SIPA1: variants seen among roughly 807,000 people sequenced by gnomAD.
The protein encoded by SIPA1 is signal-induced proliferation-associated 1, also known as signal-induced proliferation-associated protein 1.
A neutral mutation model predicts 88.1 loss-of-function variants in SIPA1; 51 were observed. The ratio of observed to expected loss-of-function variants is 0.58; its 90% CI spans 0.46 to 0.73. The LOEUF is 0.73. Among genes scored for constraint, SIPA1 ranks in the 30% least tolerant of loss-of-function variants. The pLI is 0.00. For missense variants in SIPA1, 1,348 were observed against 1,467.6 expected, an observed-to-expected ratio of 0.92 and a Z score of 1.33; for synonymous variants, 681 against 664.8, an observed-to-expected ratio of 1.02 and a Z score of -0.37.
At position 65,650,596 on chromosome 11, in the gene SIPA1, G is replaced by A. The variant is rs780511683; in HGVS notation, c.3010G>A (p.Glu1004Lys). The change falls in exon 16 of 16, where the codon GAG becomes AAG. Residue 1004 changes from glutamate (E) to lysine (K), a missense_variant. Physicochemically the swap from Glu to Lys is moderately conservative, Grantham distance 56. Coordinates refer to ENST00000534313, the MANE Select transcript of SIPA1 (RefSeq NM_006747.4). ...KEKADRAALE[E>K]EVRSLRHNNR... is the part of the protein sequence containing the mutation. ...GAAGGCGGACAGGGCGGCCCTGGAG[G>A]AGGAGGTGCGGAGCCTGAGACACAA... is the stretch of plus-strand genomic sequence containing the variant. 1 of 1,591,532 alleles carries A rather than the reference G, an allele frequency of 6.3e-7. No homozygotes were observed. Among genetic ancestry groups the A allele is most frequent in the African/African-American group, 1.3e-5 (1 of 74,518 alleles).
Position 65,646,713 on chromosome 11 carries a change from TG to T in SIPA1, c.1682del (p.Gly561ValfsTer68). 6.5e-7 allele frequency: 1 copy of T among 1,537,490 alleles called. No individual in the cohort carries two copies. Among genetic ancestry groups the T allele is most frequent in the Non-Finnish European group, 8.7e-7 (1 of 1,144,284 alleles). ...DSASRFGLPS[L>X]GGRRRAAPRG... ...GCTTCACGCTTCGGCCTGCCCTCCC[TG>T]GGTGGGAGGCGCCGGGCGGCCCCTC... On this transcript the variant is annotated frameshift_variant, in exon 8 of 16. Coordinates refer to ENST00000534313, the MANE Select transcript of SIPA1 (RefSeq NM_006747.4). LOFTEE classifies it high-confidence loss of function. This position sits in a 1 kb window ranked among gnomAD's most constrained non-coding sequence, Gnocchi z 7.5.
chr11:65,642,780 G>T lies in SIPA1; in HGVS notation c.984+141G>T. The stretch of plus-strand genomic sequence containing the variant: ...GAAGAGCTGGCTTTTCAGAGACAGG[G>T]CATCAGAGTTCATCTGGAGCCTTGC... On this transcript the variant is annotated intron_variant, in intron 4 of 15. Transcript: ENST00000534313. This position sits in a 1 kb window ranked among gnomAD's most constrained non-coding sequence, Gnocchi z 6.5. 1 of 747,014 alleles carries T rather than the reference G, an allele frequency of 1.3e-6. No homozygotes were observed. Among genetic ancestry groups the T allele is most frequent in the East Asian group, 2.9e-5 (1 of 34,322 alleles). The allele number at this position is 747,014 out of a possible 1,614,324, so 46.3% of individuals were successfully genotyped here. A position where few individuals can be genotyped will look rare whatever the true frequency, so the allele number is the denominator to read the frequency against.
At chr11:65,649,229 A>G in intron 9 of SIPA1, 33 bp from the exon 10 acceptor site, 1 of 1,435,016 alleles carries the variant, frequency 7.0e-7, no homozygotes, top group Non-Finnish European at 9.4e-7. Flanking sequence ...TGGGGACTGG[A>G]GAAGTCCTGC....
Position 65,645,938 on chromosome 11 carries a change from C to A in SIPA1, c.1244C>A (p.Thr415Asn). ...MFHVSTMLPY[T>N]PNNQQQLLRK... ...CACGTGTCCACGATGCTGCCTTACACCCCTAATAACCAGCAGCAGGTGTGA... is the reference window on the plus strand; with the variant it reads ...CACGTGTCCACGATGCTGCCTTACAACCCTAATAACCAGCAGCAGGTGTGA... Residue 415 changes from threonine (T) to asparagine (N), a missense_variant, in exon 6 of 16, where the codon ACC (threonine) becomes AAC (asparagine). This residue lies in a region of SIPA1 where 641 missense variants were observed against 797.7 expected (regional missense o/e 0.80). Coordinates refer to ENST00000534313, the MANE Select transcript of SIPA1 (RefSeq NM_006747.4). 2 of 1,612,420 alleles carry A rather than the reference C, an allele frequency of 1.2e-6. No homozygotes were observed. Among genetic ancestry groups the A allele is most frequent in the Non-Finnish European group, 1.7e-6 (2 of 1,179,014 alleles).
At position 65,645,020 on chromosome 11, in the gene SIPA1, G is replaced by T; in HGVS notation, c.1050G>T (p.Met350Ile). 1 of 1,614,076 alleles carries T rather than the reference G, an allele frequency of 6.2e-7. No homozygotes were observed. The highest frequency in any genetic ancestry group is 8.5e-7 in the Non-Finnish European group (1 of 1,179,946). ...CGGGCCAGGGCTCGGAGGAGGAGAT[G>T]TACAACAACCAGGAGGCGGGACCGG... ...CRAGQGSEEE[M>I]YNNQEAGPAF... Residue 350 changes from methionine (M) to isoleucine (I), a missense_variant, in exon 5 of 16, where the codon ATG (methionine) becomes ATT (isoleucine). Physicochemically the swap from Met to Ile is conservative, Grantham distance 10. Coordinates refer to ENST00000534313, the MANE Select transcript of SIPA1 (RefSeq NM_006747.4).
intron 9 of SIPA1, among the ~76,000 whole-genome samples, 182 bp downstream of exon 9, chr11:65,647,840 T>C (rs61893817): frequency 1.0e-5 from 1 of 99,012 alleles, no homozygotes; most frequent in Non-Finnish European, 2.0e-5. Flanking sequence ...CTCTCTCTCT[T>C]TCTCTGTCCT....
intron 9 of SIPA1, 94 bp downstream of exon 9, chr11:65,647,752 C>T: frequency 9.8e-7 from 1 of 1,021,928 alleles, no homozygotes; most frequent in Non-Finnish European, 1.2e-6. Context: ...GTTTCAGGAA[C>T]CCAGTGTGGA....
At chr11:65,648,663 T>C (rs1856187200) in intron 9 of SIPA1, among the ~76,000 whole-genome samples, 1 of 151,814 alleles carries the variant, frequency 6.6e-6, no homozygotes, top group African/African-American at 2.4e-5. Context: ...CTGAAACCCG[T>C]CTCTAGTAAA....
At position 65,640,994 on chromosome 11, in the gene SIPA1, G is replaced by A; in HGVS notation, c.73G>A (p.Ala25Thr). The A allele has an allele frequency of 3.2e-6, 5 of 1,586,836 alleles. No homozygotes were observed. The highest frequency in any genetic ancestry group is 4.3e-6 in the Non-Finnish European group (5 of 1,172,864). ...MAPASTDDLF[A>T]RKLRQPARPP... The stretch of plus-strand genomic sequence containing the variant: ...CCCTGCGTCCACAGATGACCTCTTT[G>A]CCCGCAAGCTGCGCCAGCCAGCAAG... The change falls in exon 2 of 16, where the codon GCC becomes ACC. Residue 25 changes from alanine to threonine, a missense_variant. Physicochemically the swap from Ala to Thr is moderately conservative, Grantham distance 58. Coordinates refer to ENST00000534313, the MANE Select transcript of SIPA1 (RefSeq NM_006747.4).
At position 65,642,495 on chromosome 11, in the gene SIPA1, C is replaced by T. The variant is rs1267511143; in HGVS notation, c.840C>T (p.Asp280=). 2 of 1,611,010 alleles carry T rather than the reference C, an allele frequency of 1.2e-6. No homozygotes were observed. Among genetic ancestry groups the T allele is most frequent in the Non-Finnish European group, 1.7e-6 (2 of 1,179,550 alleles). Residue 280 remains aspartate (D), a synonymous_variant, in exon 4 of 16, where the codon GAC becomes GAT. Coordinates refer to ENST00000534313, the MANE Select transcript of SIPA1 (RefSeq NM_006747.4). This position sits in a 1 kb window ranked among gnomAD's most constrained non-coding sequence, Gnocchi z 6.5. ...CACTCCGTGGCACCATCTCGGAGGA[C>T]GCGCTGCCGCCGGGGCCCCCACGGG... ...LRTLRGTISE[D]ALPPGPPRGL...
chr11:65,647,084 CTG>C lies in SIPA1; in HGVS notation c.2031+20_2031+21del, dbSNP rs1856137725. 2 of 1,498,454 alleles carry C rather than the reference CTG, an allele frequency of 1.3e-6. No individual in the cohort carries two copies. The highest frequency in any genetic ancestry group is 2.5e-5 in the East Asian group (1 of 40,196). The allele number at this position is 1,498,454 out of a possible 1,614,324, so 92.8% of individuals were successfully genotyped here. On this transcript the variant is annotated intron_variant, in intron 8 of 15. Coordinates refer to ENST00000534313, the MANE Select transcript of SIPA1 (RefSeq NM_006747.4). The stretch of plus-strand genomic sequence containing the variant: ...CCTGCAGGTGAGCTGGAGTGGTAAA[CTG>C]GGGCCCCTGCGCGCGGCGGGGCGGA...
chr11:65,650,098 C>T (rs947939008), intron 13 of SIPA1, 40 bp from the exon 14 acceptor site: 11 of 1,613,302 alleles, frequency 6.8e-6, no homozygotes, highest in Non-Finnish European at 9.3e-6. Context: ...TGCTCTTGCC[C>T]CCTTTCTGAC....
Position 65,642,041 on chromosome 11 carries a change from T to G in SIPA1, c.680-209T>G. 3.1e-6 allele frequency: 2 copies of G among 649,038 alleles called. No homozygotes were observed. Among genetic ancestry groups the G allele is most frequent in the Non-Finnish European group, 5.0e-6 (2 of 396,168 alleles). 40.2% of individuals were successfully genotyped at this position (649,038 alleles called of 1,614,324 possible). ...GATTTAGGCCTGGGAGCTGGCCGCG[T>G]GGGTCTAGGTCTGGGTCTGGGTCCA... On this transcript the variant is annotated intron_variant, in intron 2 of 15. Coordinates refer to ENST00000534313, the MANE Select transcript of SIPA1 (RefSeq NM_006747.4). This position sits in a 1 kb window ranked among gnomAD's most constrained non-coding sequence, Gnocchi z 6.5.
Position 65,642,440 on chromosome 11 carries a change from G to T in SIPA1, c.808-23G>T. 1 of 1,606,996 alleles carries T rather than the reference G, an allele frequency of 6.2e-7. No homozygotes were observed. The highest frequency in any genetic ancestry group is 8.5e-7 in the Non-Finnish European group (1 of 1,176,294). On this transcript the variant is annotated intron_variant, in intron 3 of 15. Transcript: ENST00000534313. The surrounding 1 kb of genome is among the most constrained non-coding windows in gnomAD (Gnocchi z 6.5). ...CCCCGACACCTTGTATGCATCCTGAGTGCCCTTACACCCCTTCCTCAGCTC... is the reference window on the plus strand; with the variant it reads ...CCCCGACACCTTGTATGCATCCTGATTGCCCTTACACCCCTTCCTCAGCTC...
chr11:65,644,060 G>A (rs1463437104), intron 4 of SIPA1, among the ~76,000 whole-genome samples: 1 of 152,122 alleles, frequency 6.6e-6, no homozygotes, highest in Non-Finnish European at 1.5e-5. Context: ...GACTGGAAGG[G>A]GTGAAGTGCT....
At position 65,649,753 on chromosome 11, in the gene SIPA1, A is replaced by G; in HGVS notation, c.2638-4A>G. The G allele has an allele frequency of 6.2e-7, 1 of 1,614,054 alleles. No individual in the cohort carries two copies. The highest frequency in any genetic ancestry group is 8.5e-7 in the Non-Finnish European group (1 of 1,180,026). On this transcript the variant is annotated splice_region_variant and splice_polypyrimidine_tract_variant and intron_variant, in intron 11 of 15. Transcript: ENST00000534313. ...CTGAATCTGTATCCACTTCTGTGGC[A>G]CAGGACAGGCCAGGCAGTCCCAGTG...
Position 65,647,442 on chromosome 11 carries a change from G to A in SIPA1, c.2090G>A (p.Arg697His). 1 of 1,481,132 alleles carries A rather than the reference G, an allele frequency of 6.8e-7. No homozygotes were observed. Among genetic ancestry groups the A allele is most frequent in the Non-Finnish European group, 8.9e-7 (1 of 1,123,872 alleles). The allele number at this position is 1,481,132 out of a possible 1,614,324, so 91.7% of individuals were successfully genotyped here. A position where few individuals can be genotyped will look rare whatever the true frequency, so the allele number is the denominator to read the frequency against. ...ELALPRDGQG[R>H]LGFEVDAEGF... ...GCGCTGCCCCGCGACGGTCAAGGCC[G>A]CCTGGGCTTCGAGGTGGACGCCGAG... The change falls in exon 9 of 16, where the codon CGC becomes CAC. Residue 697 changes from arginine (R) to histidine (H), a missense_variant. Arg to His is a conservative substitution (Grantham distance 29, BLOSUM62 0). Transcript: ENST00000534313.
chr11:65,647,104 G>T (rs1484426911), intron 8 of SIPA1, 39 bp downstream of exon 8: 1 of 1,457,806 alleles, frequency 6.9e-7, no homozygotes, highest in Non-Finnish European at 9.0e-7. Context: ...TGCGCGCGGC[G>T]GGGCGGAGCC....
At chr11:65,645,798 A>T in intron 5 of SIPA1, 56 bp from the exon 6 acceptor site, 1 of 1,321,310 alleles carries the variant, frequency 7.6e-7, no homozygotes, top group East Asian at 2.5e-5. Flanking sequence ...GGCAAGTTCA[A>T]GCCACTTAGA....
Sources: gnomAD v4.1 joint callset for allele counts (sites outside exome capture counted in the v4.1 genomes callset) on GRCh38, gnomAD v4.1.1 for gene constraint, gnomAD v4.1.1 regional missense constraint, Gnocchi (gnomAD v3.1) non-coding constraint, MANE v1.5 for transcripts, NCBI Gene and HGNC (gene_info 2026-07-23, HGNC 2026-07-21) for gene names.